Variants in LMAN1 observed in about 807,000 individuals in gnomAD.
LMAN1 encodes the protein lectin, mannose binding 1.
Under a neutral mutation model 67.8 loss-of-function variants are expected in LMAN1, and 32 were observed. The ratio of observed to expected loss-of-function variants is 0.47; its 90% CI spans 0.36 to 0.63. The LOEUF (loss-of-function observed/expected upper bound fraction) is 0.63, where lower values mean the gene tolerates loss of function less well. Among genes scored for constraint, LMAN1 ranks in the 30% least tolerant of loss-of-function variants. LMAN1 has a pLI of 0.00. For synonymous variants in LMAN1, 235 were observed against 219.3 expected (o/e 1.07, Z -0.63); for missense variants, 632 against 628.2 (o/e 1.01, Z -0.06).
intron 1 of LMAN1, among the ~76,000 whole-genome samples, chr18:59,358,780 A>AGAAGGGAAGACAGCAGGCG (rs1908722316): frequency 1.3e-5 from 2 of 152,280 alleles, no homozygotes; most frequent in Non-Finnish European, 2.9e-5. Flanking sequence ...ACGAGATCAA[A>AGAAGGGAAGACAGCAGGCG]GAAGGGAAGA....
chr18:59,358,411 A>G (rs1908710161), intron 1 of LMAN1, among the ~76,000 whole-genome samples: 1 of 152,238 alleles, frequency 6.6e-6, no homozygotes, highest in East Asian at 1.9e-4. Context: ...ACACCAAGTC[A>G]CTGAGAGGAA....
chr18:59,336,958 T>C (rs1908166125), intron 10 of LMAN1, among the ~76,000 whole-genome samples: 1 of 151,430 alleles, frequency 6.6e-6, no homozygotes, highest in African/African-American at 2.4e-5. Flanking sequence ...CACTTTCTTG[T>C]TACAGGCAAG....
intron 4 of LMAN1, 51 bp downstream of exon 4, chr18:59,354,468 G>T: frequency 1.0e-6 from 1 of 977,880 alleles, no homozygotes; most frequent in Non-Finnish European, 1.7e-6. Flanking sequence ...ATTTCATAAG[G>T]ATTCCAAAAA....
At chr18:59,342,724 T>G (rs1908314656) in intron 8 of LMAN1, among the ~76,000 whole-genome samples, 1 of 152,004 alleles carries the variant, frequency 6.6e-6, no homozygotes, top group African/African-American at 2.4e-5. Flanking sequence ...AACATTCCCT[T>G]TAAGAACTGG....
Position 59,331,489 on chromosome 18 carries a change from A to G in LMAN1, c.1425T>C (p.Cys475=). 2 of 1,612,366 alleles carry G rather than the reference A, an allele frequency of 1.2e-6. No homozygotes were observed. Among genetic ancestry groups the G allele is most frequent in the South Asian group, 2.2e-5 (2 of 91,048 alleles). The part of the protein sequence containing the change: ...KCPELPPFPS[C]LSTVHFIIFV... ...ATATAATGAAGTGGACCGTAGACAAACATGATGGAAATGGTGGTAGTTCTG... is the reference window on the plus strand; with the variant it reads ...ATATAATGAAGTGGACCGTAGACAAGCATGATGGAAATGGTGGTAGTTCTG... The change falls in exon 12 of 13, where the codon TGT becomes TGC. Residue 475 remains cysteine, a synonymous_variant. Coordinates refer to ENST00000251047, the MANE Select transcript of LMAN1 (RefSeq NM_005570.4).
At chr18:59,355,713 T>C (rs1213882721) in intron 1 of LMAN1, 55 bp from the exon 2 acceptor site, 22 of 1,575,300 alleles carry the variant, frequency 1.4e-5, no homozygotes, top group South Asian at 4.4e-5. Flanking sequence ...TAAAACTCAA[T>C]GATCATTTCC....
intron 10 of LMAN1, among the ~76,000 whole-genome samples, chr18:59,334,558 T>C (rs182863050): frequency 2.8e-4 from 43 of 152,300 alleles, no homozygotes; most frequent in African/African-American, 9.9e-4. Context: ...ACAGAACGCT[T>C]GAAAAGAATA....
rs111352808 is a variant in LMAN1 at position 59,328,337 on chromosome 18, G to C, written c.*2756C>G. The C allele has an allele frequency of 6.6e-6, 1 of 152,120 alleles. No individual in the cohort carries two copies. Among genetic ancestry groups the C allele is most frequent in the African/African-American group, 2.4e-5 (1 of 41,430 alleles). The allele number at this position is 152,120 out of a possible 1,614,324, so 9.4% of individuals were successfully genotyped here. A position where few individuals can be genotyped will look rare whatever the true frequency, so the allele number is the denominator to read the frequency against. On this transcript the variant is annotated 3_prime_UTR_variant, in exon 13 of 13. Coordinates refer to ENST00000251047, the MANE Select transcript of LMAN1 (RefSeq NM_005570.4). Reference sequence around the variant, plus strand: ...TTGAAGATGGGAGTTTTCATGGCTTGACCATGAATGATCTCAAGATGATTT... The same window carrying C: ...TTGAAGATGGGAGTTTTCATGGCTTCACCATGAATGATCTCAAGATGATTT...
intron 8 of LMAN1, among the ~76,000 whole-genome samples, chr18:59,340,876 A>G (rs1040674439): frequency 6.6e-6 from 1 of 152,206 alleles, no homozygotes; most frequent in Non-Finnish European, 1.5e-5. Context: ...ATATATCAAT[A>G]TTAACCTTGA....
rs1253701073 is a variant in LMAN1, at chr18:59,334,703, C to A, written c.1221-1459G>T. ...GAGATGGAGAAGTGGGAAGAGGCAT[C>A]AACTGCTACAGAAAAGCTACATGCT... On this transcript the variant is annotated intron_variant, in intron 10 of 12. Coordinates refer to ENST00000251047, the MANE Select transcript of LMAN1 (RefSeq NM_005570.4). Among the ~76,000 whole-genome samples the A allele has an allele frequency of 2.0e-5, 3 of 152,252 alleles. No homozygotes were observed. The East Asian group carries it at 5.8e-4, about 29-fold the overall frequency.
intron 7 of LMAN1, among the ~76,000 whole-genome samples, chr18:59,347,217 C>T (rs977120069): frequency 6.6e-5 from 10 of 151,480 alleles, no homozygotes; most frequent in East Asian, 2.0e-4. Flanking sequence ...CTCAGCCTCC[C>T]GAGTAGCTGG....
chr18:59,354,399 T>A (rs757726906), intron 4 of LMAN1, 120 bp downstream of exon 4: 59 of 674,832 alleles, frequency 8.7e-5, no homozygotes, highest in Non-Finnish European at 1.4e-4. Context: ...ACAAAATATG[T>A]CTCAAGAAAA....
In LMAN1 at chr18:59,337,915, A is replaced by C. The variant is rs41422950; in HGVS notation, c.1220+642T>G. Among the ~76,000 whole-genome samples, 958 of 152,304 alleles carry C rather than the reference A, an allele frequency of 6.3e-3. 6 individuals are homozygous for C. The highest frequency in any genetic ancestry group is 0.011 in the Non-Finnish European group (757 of 68,018). ...TTCTATCGGTTGGGACAGTGCTCTG[A>C]AATGTTAGGTTATGGAAACATGACA... On this transcript the variant is annotated intron_variant, in intron 10 of 12. Coordinates refer to ENST00000251047, the MANE Select transcript of LMAN1 (RefSeq NM_005570.4).
intron 6 of LMAN1, among the ~76,000 whole-genome samples, chr18:59,347,957 G>A (rs1297715933): frequency 6.6e-6 from 1 of 152,190 alleles, no homozygotes; most frequent in Non-Finnish European, 1.5e-5. Flanking sequence ...CATGGACAAC[G>A]TCCCAGACAA....
At position 59,331,421 on chromosome 18, in the gene LMAN1, T is replaced by C. The variant is rs1419731292; in HGVS notation, c.1493A>G (p.Tyr498Cys). 1.1e-5 allele frequency: 17 copies of C among 1,606,432 alleles called. No homozygotes were observed. Among genetic ancestry groups the C allele is most frequent in the East Asian group, 2.2e-5 (1 of 44,772 alleles). ...CACATTTTATCAAGAGACTTACCTA[T>C]ACATGATATAACCAATGAATAATAC... is the stretch of plus-strand genomic sequence containing the variant. ...QTVLFIGYIMYRSQQEAAAKK... is the reference protein window; with the variant it reads ...QTVLFIGYIMCRSQQEAAAKK... The change falls in exon 12 of 13, where the codon TAT becomes TGT. Residue 498 changes from tyrosine to cysteine, a missense_variant. Transcript: ENST00000251047.
Position 59,354,593 on chromosome 18 carries a change from A to G in LMAN1, c.478-13T>C. On this transcript the variant is annotated splice_polypyrimidine_tract_variant and intron_variant, in intron 3 of 12. Coordinates refer to ENST00000251047, the MANE Select transcript of LMAN1 (RefSeq NM_005570.4). ...CAGGATTATTTTTCTAAAAAAAAGG[A>G]AAACATTTTAAAAAATGTCTTTAAT... The G allele has an allele frequency of 7.9e-7, 1 of 1,262,380 alleles. No homozygotes were observed. Among genetic ancestry groups the G allele is most frequent in the Non-Finnish European group, 1.2e-6 (1 of 864,182 alleles). 78.2% of individuals were successfully genotyped at this position (1,262,380 alleles called of 1,614,324 possible).
chr18:59,333,261 C>T lies in LMAN1; in HGVS notation c.1221-17G>A. 6.2e-7 allele frequency: 1 copy of T among 1,607,944 alleles called. No homozygotes were observed. The highest frequency in any genetic ancestry group is 8.5e-7 in the Non-Finnish European group (1 of 1,176,440). On this transcript the variant is annotated splice_polypyrimidine_tract_variant and intron_variant, in intron 10 of 12. Transcript: ENST00000251047. ...ATGGAATTTCTGAAACAGAAAGTCT[C>T]TTGATACAATAAAATCACTATAAAG...
At position 59,359,173 on chromosome 18, in the gene LMAN1, G is replaced by A. The variant is rs773505195; in HGVS notation, c.72C>T (p.Leu24=). The A allele has an allele frequency of 6.2e-7, 1 of 1,614,066 alleles. No homozygotes were observed. The highest frequency in any genetic ancestry group is 1.1e-5 in the South Asian group (1 of 91,082). The change falls in exon 1 of 13, where the codon CTC becomes CTT. Residue 24 remains leucine (L), a synonymous_variant. Coordinates refer to ENST00000251047, the MANE Select transcript of LMAN1 (RefSeq NM_005570.4). ...RPLFCALLLS[L]GRFVRGDGVG... ...CGCCGTCGCCCCGGACGAAGCGACC[G>A]AGTGACAGCAGCAAGGCGCAGAACA...
At position 59,355,604 on chromosome 18, in the gene LMAN1, C is replaced by A; in HGVS notation, c.269G>T (p.Arg90Ile). 1 of 1,614,102 alleles carries A rather than the reference C, an allele frequency of 6.2e-7. No individual in the cohort carries two copies. The highest frequency in any genetic ancestry group is 8.5e-7 in the Non-Finnish European group (1 of 1,179,966). Reference protein sequence around the residue: ...IRVAPSLKSQRGSVWTKTKAA... With the variant: ...IRVAPSLKSQIGSVWTKTKAA... ...TTTTGTCTTTGTCCACACTGAGCCT[C>A]TTTGGCTTTTTAAAGATGGTGCTAC... The change falls in exon 2 of 13, where the codon AGA becomes ATA. Residue 90 changes from arginine (R) to isoleucine (I), a missense_variant. Coordinates refer to ENST00000251047, the MANE Select transcript of LMAN1 (RefSeq NM_005570.4).
Sources: gnomAD v4.1 joint callset for allele counts (sites outside exome capture counted in the v4.1 genomes callset) on GRCh38, gnomAD v4.1.1 for gene constraint, MANE v1.5 for transcripts, NCBI Gene and HGNC (gene_info 2026-07-23, HGNC 2026-07-21) for gene names.